The following PLSCR5 variants were observed in gnomAD, a reference collection of about 807,000 sequenced individuals.
PLSCR5 encodes phospholipid scramblase family, member 5.
Under a neutral mutation model 33.6 loss-of-function variants are expected in PLSCR5, and 44 were observed. That is an observed-to-expected ratio of 1.31 (90% CI 1.03 to 1.69). The LOEUF (loss-of-function observed/expected upper bound fraction) is 1.69. Ranked by LOEUF, PLSCR5 falls within the 40% of genes most tolerant of loss-of-function variation. The pLI, the probability that PLSCR5 is intolerant of heterozygous loss-of-function variation, is 0.00. For missense variants in PLSCR5, 375 were observed against 318.7 expected, an observed-to-expected ratio of 1.18 and a Z score of -1.34; for synonymous variants, 148 against 112.3, an observed-to-expected ratio of 1.32 and a Z score of -2.01.
At chr3:146,591,098 T>G (rs1486148319) in intron 5 of PLSCR5, among the ~76,000 whole-genome samples, 1 of 151,072 alleles carries the variant, frequency 6.6e-6, no homozygotes, top group Non-Finnish European at 1.5e-5. Flanking sequence ...TGAAATGAGA[T>G]CTAAACTGGG....
At chr3:146,585,418 T>A (rs1236576778), downstream of PLSCR5, among the ~76,000 whole-genome samples, 2 of 152,114 alleles carry the variant, frequency 1.3e-5, no homozygotes, top group Admixed American at 1.3e-4. Flanking sequence ...TAAATACTAG[T>A]TTCTTTATGG....
At chr3:146,586,959 A>T (rs1315187354) in intron 6 of PLSCR5, among the ~76,000 whole-genome samples, 1 of 152,246 alleles carries the variant, frequency 6.6e-6, no homozygotes, top group Non-Finnish European at 1.5e-5. Flanking sequence ...AATGTTTTAC[A>T]ATATGATGGT....
chr3:146,605,114 A>G (rs61435584), intron 1 of PLSCR5, 86 bp downstream of exon 1: 76,998 of 1,339,162 alleles, frequency 0.057, 2,390 homozygotes, highest in African/African-American at 0.081. Flanking sequence ...TAAAGTACCA[A>G]TCTAACTGGT....
At position 146,605,318 on chromosome 3, in the gene PLSCR5, G is replaced by C; in HGVS notation, c.-106C>G. On this transcript the variant is annotated 5_prime_UTR_variant, in exon 1 of 8. Coordinates refer to ENST00000443512, the MANE Select transcript of PLSCR5 (RefSeq NM_001085420.2). ...CAGCATGCACAAAACTTCAGAACGT[G>C]TTTGTCTGCCTCTTGTCAGCTTACA... 1.3e-6 allele frequency: 2 copies of C among 1,584,998 alleles called. No individual in the cohort carries two copies. Among genetic ancestry groups the C allele is most frequent in the Non-Finnish European group, 1.7e-6 (2 of 1,164,962 alleles).
chr3:146,583,205 G>A (rs1022408158), downstream of PLSCR5, among the ~76,000 whole-genome samples: 1 of 152,074 alleles, frequency 6.6e-6, no homozygotes, highest in East Asian at 1.9e-4. Context: ...TATCTGAAAC[G>A]TAATCTGTGT....
intron 2 of PLSCR5, among the ~76,000 whole-genome samples, chr3:146,599,514 CTT>C (rs200837530): frequency 0.16 from 22,076 of 141,760 alleles, 1,762 homozygotes; most frequent in African/African-American, 0.24. Flanking sequence ...TTTGCATTAA[CTT>C]TTTTTTTTTT....
chr3:146,586,656 G>C (rs967523339), intron 6 of PLSCR5, among the ~76,000 whole-genome samples: 16 of 152,166 alleles, frequency 1.1e-4, no homozygotes, highest in African/African-American at 3.9e-4. Flanking sequence ...CTACACCAGA[G>C]AGAACTCAAA....
chr3:146,585,706 T>C (rs1416856161), downstream of PLSCR5: 1 of 159,068 alleles, frequency 6.3e-6, no homozygotes, highest in Non-Finnish European at 1.4e-5. Context: ...CAAGCCTTAG[T>C]TCTCATCTTT....
At chr3:146,590,582 C>T (rs2044705339) in intron 5 of PLSCR5, among the ~76,000 whole-genome samples, 1 of 152,018 alleles carries the variant, frequency 6.6e-6, no homozygotes, top group South Asian at 2.1e-4. Flanking sequence ...GAAACTATCA[C>T]TTTTTTCAGG....
intron 7 of PLSCR5, chr3:146,576,753 T>G (rs1247726929): frequency 1.3e-5 from 2 of 148,894 alleles, no homozygotes; most frequent in Admixed American, 6.7e-5. Flanking sequence ...ATCATTATTA[T>G]TATTGCTTAA....
intron 4 of PLSCR5, among the ~76,000 whole-genome samples, chr3:146,593,582 T>C (rs891406671): frequency 6.6e-6 from 1 of 152,108 alleles, no homozygotes; most frequent in African/African-American, 2.4e-5. Context: ...TTTGCTCCAG[T>C]TGGAGAAGAC....
At chr3:146,594,635 G>T (rs375275990) in intron 3 of PLSCR5, among the ~76,000 whole-genome samples, 52 of 152,162 alleles carry the variant, frequency 3.4e-4, no homozygotes, top group East Asian at 3.3e-3. Flanking sequence ...AATCCAGTTA[G>T]TCATGCTTGT....
intron 1 of PLSCR5, among the ~76,000 whole-genome samples, chr3:146,602,932 G>A (rs933726208): frequency 1.3e-5 from 2 of 152,108 alleles, no homozygotes; most frequent in African/African-American, 4.8e-5. Flanking sequence ...GCCTGAGACT[G>A]TTGAGAGACA....
At chr3:146,591,684 C>T (rs759699915) in intron 5 of PLSCR5, 36 bp downstream of exon 5, 7 of 1,570,652 alleles carry the variant, frequency 4.5e-6, no homozygotes, top group East Asian at 2.3e-5. Context: ...AAAATCAGGA[C>T]CTAAATGAAA....
At position 146,591,899 on chromosome 3, in the gene PLSCR5, G is replaced by C. The variant is rs776575301; in HGVS notation, c.454-18C>G. On this transcript the variant is annotated intron_variant, in intron 4 of 7. Coordinates refer to ENST00000443512, the MANE Select transcript of PLSCR5 (RefSeq NM_001085420.2). ...ATTTCTAACTGTAAGAAGAGATAAT[G>C]ATAAAATAAGATTTTCTTAGGTTAT... 28 of 1,544,476 alleles carry C rather than the reference G, an allele frequency of 1.8e-5. No individual in the cohort carries two copies. Among genetic ancestry groups the C allele is most frequent in the Non-Finnish European group, 2.4e-5 (27 of 1,142,950 alleles).
rs138169498 is a variant in PLSCR5, at chr3:146,602,276, G to A, written c.14-1813C>T. 2.0e-3 allele frequency among the ~76,000 whole-genome samples: 298 copies of A among 152,242 alleles called. 2 individuals carry two copies. The highest frequency in any genetic ancestry group is 6.9e-3 in the African/African-American group (287 of 41,558). ...ATGTAACACTATGTCAGATTTGGGA[G>A]AAGAGCTAATGGCCATTAATATAAC... On this transcript the variant is annotated intron_variant, in intron 1 of 7. Coordinates refer to ENST00000443512, the MANE Select transcript of PLSCR5 (RefSeq NM_001085420.2).
chr3:146,592,981 A>T (rs1325974490), intron 4 of PLSCR5, among the ~76,000 whole-genome samples: 1 of 152,160 alleles, frequency 6.6e-6, no homozygotes, highest in Non-Finnish European at 1.5e-5. Flanking sequence ...ACTTAGTCAG[A>T]TGCTTACCTA....
At chr3:146,594,196 TTAAA>T (rs1201481144) in intron 3 of PLSCR5, 56 bp from the exon 4 acceptor site, 46 of 1,265,876 alleles carry the variant, frequency 3.6e-5, no homozygotes, top group Non-Finnish European at 5.0e-5. Flanking sequence ...ATTGATAACT[TTAAA>T]TAAAGGGGAG....
chr3:146,583,435 G>T (rs1193938229), downstream of PLSCR5, among the ~76,000 whole-genome samples: 1 of 152,156 alleles, frequency 6.6e-6, no homozygotes, highest in African/African-American at 2.4e-5. Context: ...TTGTCCTGGG[G>T]ACAAGAGGCA....
Sources: gnomAD v4.1 joint callset for allele counts (sites outside exome capture counted in the v4.1 genomes callset) on GRCh38, gnomAD v4.1.1 for gene constraint, MANE v1.5 for transcripts, NCBI Gene and HGNC (gene_info 2026-07-23, HGNC 2026-07-21) for gene names.